Variants in ACSS3 observed in about 807,000 individuals in gnomAD.
ACSS3 encodes acyl-CoA synthetase short-chain family member 3, mitochondrial.
A neutral mutation model predicts 84.2 loss-of-function variants in ACSS3; 64 were observed. The ratio of observed to expected loss-of-function variants is 0.76; its 90% CI spans 0.62 to 0.94. The LOEUF is 0.94. Ranked by LOEUF, ACSS3 falls within the 40% of genes least tolerant of loss-of-function variation. ACSS3 has a pLI of 0.00. For synonymous variants in ACSS3, 317 were observed against 310.1 expected (o/e 1.02, Z -0.23); for missense variants, 815 against 867.6 (o/e 0.94, Z 0.76).
At chr12:81,137,014 T>G (rs2121563700) in intron 3 of ACSS3, among the ~76,000 whole-genome samples, 1 of 152,274 alleles carries the variant, frequency 6.6e-6, no homozygotes, top group Non-Finnish European at 1.5e-5. Context: ...TAATATATAC[T>G]GAAGGCCCCC....
Position 81,139,280 on chromosome 12 carries a change from G to T in ACSS3, c.780+15G>T. ...GTCCAAATATGGTAATCTGAATATT[G>T]AATTTGGTTCTTGCTTATGGTAATA... On this transcript the variant is annotated intron_variant, in intron 4 of 15. Coordinates refer to ENST00000548058, the MANE Select transcript of ACSS3 (RefSeq NM_024560.4). 6.2e-7 allele frequency: 1 copy of T among 1,612,902 alleles called. No individual in the cohort carries two copies. The highest frequency in any genetic ancestry group is 1.1e-5 in the South Asian group (1 of 90,950).
At position 81,258,832 on chromosome 12, in the gene ACSS3, A is replaced by C. The variant is rs775390214; in HGVS notation, c.*3910A>C. On this transcript the variant is annotated 3_prime_UTR_variant, in exon 16 of 16. Coordinates refer to ENST00000548058, the MANE Select transcript of ACSS3 (RefSeq NM_024560.4). ...GGCATTTCAAGATATTTGAATGAAC[A>C]TGTGGTTCTTAGTAAAGAAGTTTTT... is the stretch of plus-strand genomic sequence containing the variant. 6.6e-6 allele frequency: 1 copy of C among 152,004 alleles called. No individual in the cohort carries two copies. The highest frequency in any genetic ancestry group is 1.5e-5 in the Non-Finnish European group (1 of 68,068). 9.4% of individuals were successfully genotyped at this position (152,004 alleles called of 1,614,324 possible).
chr12:81,252,828 C>A (rs2034194063), intron 13 of ACSS3, among the ~76,000 whole-genome samples: 1 of 152,174 alleles, frequency 6.6e-6, no homozygotes, highest in Admixed American at 6.5e-5. Flanking sequence ...AGAGGAATTT[C>A]ATTGTTCACT....
At chr12:81,130,453 A>G (rs1297643212) in intron 2 of ACSS3, among the ~76,000 whole-genome samples, 1 of 152,022 alleles carries the variant, frequency 6.6e-6, no homozygotes, top group Admixed American at 6.6e-5. Flanking sequence ...CATATGCTTC[A>G]CCCACTTTTT....
intron 8 of ACSS3, among the ~76,000 whole-genome samples, chr12:81,186,050 GATCCAA>G (rs2031235963): frequency 6.6e-6 from 1 of 151,556 alleles, no homozygotes; most frequent in African/African-American, 2.4e-5. Flanking sequence ...CCCAGAAATA[GATCCAA>G]ACGTATATGG....
At chr12:81,144,481 C>T (rs1886232257) in intron 5 of ACSS3, among the ~76,000 whole-genome samples, 1 of 152,126 alleles carries the variant, frequency 6.6e-6, no homozygotes, top group African/African-American at 2.4e-5. Context: ...ACATAATTCT[C>T]AACCTCCACT....
chr12:81,224,561 T>TAC (rs541339231), intron 11 of ACSS3, among the ~76,000 whole-genome samples: 3 of 110,570 alleles, frequency 2.7e-5, no homozygotes, highest in Admixed American at 9.3e-5. Context: ...CATATATATA[T>TAC]ACACACACAC....
At chr12:81,126,522 A>G (rs754549749) in intron 2 of ACSS3, among the ~76,000 whole-genome samples, 4 of 152,210 alleles carry the variant, frequency 2.6e-5, no homozygotes, top group Non-Finnish European at 4.4e-5. Flanking sequence ...TTAACAAAAT[A>G]TGCTTTACAA....
intron 3 of ACSS3, among the ~76,000 whole-genome samples, chr12:81,137,671 G>A (rs962187320): frequency 1.3e-5 from 2 of 152,096 alleles, no homozygotes; most frequent in Admixed American, 1.3e-4. Context: ...TTCAGAGGAA[G>A]AGTCTAATTT....
rs117065620 is a variant in ACSS3, at chr12:81,207,614, G to A, written c.1354+8170G>A. Among the ~76,000 whole-genome samples, 454 of 152,142 alleles carry A rather than the reference G, an allele frequency of 3.0e-3. 1 individual carries two copies. The highest frequency in any genetic ancestry group is 4.1e-3 in the Non-Finnish European group (277 of 67,976). On this transcript the variant is annotated intron_variant, in intron 9 of 15. Transcript: ENST00000548058. ...TAAATAGCCCTTCATTAATGTAAAG[G>A]CCATCTTTAGAATCTTGGCCTGTAA...
chr12:81,161,134 T>A (rs967931346), intron 7 of ACSS3, among the ~76,000 whole-genome samples: 1 of 152,252 alleles, frequency 6.6e-6, no homozygotes, highest in East Asian at 1.9e-4. Flanking sequence ...TGAATATTAC[T>A]CACATTTCTT....
At chr12:81,213,905 C>T (rs1478897208) in intron 9 of ACSS3, among the ~76,000 whole-genome samples, 2 of 13,906 alleles carry the variant, frequency 1.4e-4, no homozygotes, top group Admixed American at 6.9e-4. Context: ...TTCTTTTGTC[C>T]TTCCTTCCTT....
chr12:81,149,693 CAG>C (rs1475878342), intron 5 of ACSS3, among the ~76,000 whole-genome samples: 1 of 152,060 alleles, frequency 6.6e-6, no homozygotes, highest in African/African-American at 2.4e-5. Context: ...TAACGAAAAA[CAG>C]AAATTACGGC....
chr12:81,111,104 T>C (rs1454631454), intron 2 of ACSS3, among the ~76,000 whole-genome samples: 1 of 152,042 alleles, frequency 6.6e-6, no homozygotes, highest in African/African-American at 2.4e-5. Flanking sequence ...TAGCAACAAA[T>C]TCCAACCTCA....
In ACSS3 at chr12:81,254,841, C is replaced by G; in HGVS notation, c.1996-16C>G. The stretch of plus-strand genomic sequence containing the variant: ...TTCAAGGAAGAGTATTCACCTGACC[C>G]TAATTTTTTTTCCAGATAACTTCTA... On this transcript the variant is annotated splice_polypyrimidine_tract_variant and intron_variant, in intron 15 of 15. Coordinates refer to ENST00000548058, the MANE Select transcript of ACSS3 (RefSeq NM_024560.4). 1 of 1,597,722 alleles carries G rather than the reference C, an allele frequency of 6.3e-7. No individual in the cohort carries two copies. Among genetic ancestry groups the G allele is most frequent in the South Asian group, 1.1e-5 (1 of 87,794 alleles).
At chr12:81,195,767 C>CTTAACAATGA (rs1208661595) in intron 8 of ACSS3, among the ~76,000 whole-genome samples, 3 of 151,982 alleles carry the variant, frequency 2.0e-5, no homozygotes, top group African/African-American at 7.3e-5. Context: ...TTAACAATGA[C>CTTAACAATGA]TAGTAATAGG....
intron 13 of ACSS3, among the ~76,000 whole-genome samples, chr12:81,235,988 G>T (rs2033618652): frequency 6.6e-6 from 1 of 151,332 alleles, no homozygotes; most frequent in South Asian, 2.1e-4. Flanking sequence ...TTTGGAACTG[G>T]CTAGAACTTG....
intron 9 of ACSS3, among the ~76,000 whole-genome samples, chr12:81,204,083 T>G (rs2032232257): frequency 6.6e-6 from 1 of 152,016 alleles, no homozygotes; most frequent in Non-Finnish European, 1.5e-5. Flanking sequence ...GGAAGCACAA[T>G]TTTAGAAGGA....
rs116873007 is a variant in ACSS3 at position 81,251,685 on chromosome 12, T to C, written c.1720-1622T>C. Reference sequence around the variant, plus strand: ...CATCTCTACAAAAAAAAAAAAAAAATACAAAAATTTAGCCAGCCATGGTGG... The same window carrying C: ...CATCTCTACAAAAAAAAAAAAAAAACACAAAAATTTAGCCAGCCATGGTGG... On this transcript the variant is annotated intron_variant, in intron 13 of 15. Transcript: ENST00000548058. Among the ~76,000 whole-genome samples the C allele has an allele frequency of 7.9e-5, 5 of 62,914 alleles. 1 individual carries two copies. The highest frequency in any genetic ancestry group is 2.6e-4 in the African/African-American group (5 of 19,310). The allele number at this position is 62,914 out of a possible 152,430, so 41.3% of individuals were successfully genotyped here. A position where few individuals can be genotyped will look rare whatever the true frequency, so the allele number is the denominator to read the frequency against.
Sources: allele counts gnomAD v4.1 joint callset (sites outside exome capture counted in the v4.1 genomes callset), GRCh38; gene constraint gnomAD v4.1.1; transcripts MANE v1.5; gene names NCBI Gene and HGNC (gene_info 2026-07-23, HGNC 2026-07-21).